RAB25: variants seen among roughly 807,000 people sequenced by gnomAD.
The protein encoded by RAB25 is ras-related protein Rab-25.
In RAB25, 23 loss-of-function variants were observed where a neutral mutation model predicts 25.2. That is an observed-to-expected ratio of 0.91 (90% confidence interval 0.66 to 1.29). RAB25 has a LOEUF of 1.29. Ranked by LOEUF, RAB25 falls within the 50% of genes most tolerant of loss-of-function variation. The pLI is 0.00. For missense variants in RAB25, 244 were observed against 277.3 expected, an observed-to-expected ratio of 0.88 and a Z score of 0.85; for synonymous variants, 102 against 111.5, an observed-to-expected ratio of 0.91 and a Z score of 0.54.
At position 156,069,741 on chromosome 1, in the gene RAB25, T is replaced by C. The variant is rs771222468; in HGVS notation, c.504T>C (p.Thr168=). 6.2e-7 allele frequency: 1 copy of C among 1,611,108 alleles called. No homozygotes were observed. Among genetic ancestry groups the C allele is most frequent in the Non-Finnish European group, 8.5e-7 (1 of 1,177,290 alleles). Residue 168 remains threonine, a synonymous_variant, in exon 4 of 5, where the codon ACT becomes ACC. Coordinates refer to ENST00000361084, the MANE Select transcript of RAB25 (RefSeq NM_020387.4). The part of the protein sequence containing the change: ...DSTNVELAFE[T]VLKEIFAKVS... ...CCAATGTTGAGCTAGCCTTTGAGAC[T>C]GTCCTGAAAGGTTAGAGCCTACCTT...
At position 156,069,575 on chromosome 1, in the gene RAB25, G is replaced by C. The variant is rs916859895; in HGVS notation, c.434-96G>C. ...TTAAATGATCTGCTACATGCCAAGAGTTTAGCACATGGCAAATGTATATAG... is the reference window on the plus strand; with the variant it reads ...TTAAATGATCTGCTACATGCCAAGACTTTAGCACATGGCAAATGTATATAG... On this transcript the variant is annotated intron_variant, in intron 3 of 4. Transcript: ENST00000361084. 2.3e-4 allele frequency: 232 copies of C among 1,006,676 alleles called. 3 individuals are homozygous for C. In the South Asian group the frequency reaches 2.7e-3, roughly 12 times the overall value. The allele number at this position is 1,006,676 out of a possible 1,614,324, so 62.4% of individuals were successfully genotyped here.
intron 3 of RAB25, 69 bp downstream of exon 3, chr1:156,068,532 C>G (rs1175100535): frequency 6.7e-7 from 1 of 1,492,402 alleles, no homozygotes; most frequent in Non-Finnish European, 9.2e-7. Context: ...AGTCTCCCAG[C>G]CCCTGCCCCC....
At chr1:156,069,899 T>C in intron 4 of RAB25, 148 bp downstream of exon 4, 2 of 863,912 alleles carry the variant, frequency 2.3e-6, no homozygotes, top group Admixed American at 2.0e-5. Context: ...CCTCAGTCCC[T>C]CCCCAGTGCC....
chr1:156,070,380 A>G lies in RAB25; in HGVS notation c.*93A>G. The G allele has an allele frequency of 1.3e-6, 2 of 1,512,654 alleles. No homozygotes were observed. Among genetic ancestry groups the G allele is most frequent in the Non-Finnish European group, 1.8e-6 (2 of 1,118,846 alleles). The allele number at this position is 1,512,654 out of a possible 1,614,324, so 93.7% of individuals were successfully genotyped here. ...CTTTCCTTGCCCTTTGGTTCCAGAT[A>G]TCAGACTGTTCCCTGTTCACAGCAC... On this transcript the variant is annotated 3_prime_UTR_variant, in exon 5 of 5. Coordinates refer to ENST00000361084, the MANE Select transcript of RAB25 (RefSeq NM_020387.4).
intron 1 of RAB25, among the ~76,000 whole-genome samples, chr1:156,064,244 T>G (rs1391410699): frequency 1.3e-5 from 2 of 152,172 alleles, no homozygotes; most frequent in Non-Finnish European, 2.9e-5. Context: ...AATATATATT[T>G]TTTATTTTTA....
chr1:156,064,999 C>T (rs1647697594), intron 1 of RAB25, among the ~76,000 whole-genome samples: 3 of 152,192 alleles, frequency 2.0e-5, no homozygotes, highest in Non-Finnish European at 2.9e-5. Context: ...AGCTCATCCA[C>T]ATGGGTAAGA....
rs1360767479 is a variant in RAB25, at chr1:156,061,455, T to A, written c.43+12T>A. On this transcript the variant is annotated intron_variant, in intron 1 of 4. Transcript: ENST00000361084. ...CTTTGTCTTCAAGGGTGAGTTGGGT[T>A]CCCTGAAGCAAGAGGAAGCCTGAGA... 5 of 1,613,466 alleles carry A rather than the reference T, an allele frequency of 3.1e-6. No homozygotes were observed. The highest frequency in any genetic ancestry group is 4.2e-6 in the Non-Finnish European group (5 of 1,179,490).
rs755788832 is a variant in RAB25, at chr1:156,068,482, C to T, written c.433+19C>T. 146 of 1,606,448 alleles carry T rather than the reference C, an allele frequency of 9.1e-5. No individual in the cohort carries two copies. The highest frequency in any genetic ancestry group is 1.2e-4 in the Non-Finnish European group (143 of 1,175,746). ...TTCGCTGGTGAGAGCCTGCCACTAC[C>T]CAGGCTGACTCCTCCAAGCTTAGCC... is the stretch of plus-strand genomic sequence containing the variant. On this transcript the variant is annotated intron_variant, in intron 3 of 4. Coordinates refer to ENST00000361084, the MANE Select transcript of RAB25 (RefSeq NM_020387.4).
At chr1:156,066,191 G>C in intron 2 of RAB25, 85 bp downstream of exon 2, 1 of 1,205,118 alleles carries the variant, frequency 8.3e-7, no homozygotes, top group African/African-American at 1.5e-5. Context: ...GGGGGAGGAG[G>C]AGGCAAGGGG....
chr1:156,061,518 C>A, intron 1 of RAB25, 75 bp downstream of exon 1: 1 of 1,499,572 alleles, frequency 6.7e-7, no homozygotes, highest in Admixed American at 1.7e-5. Context: ...GAGAGGGCCC[C>A]CTCCTGTTTT....
At chr1:156,069,067 G>C (rs1647833363) in intron 3 of RAB25, among the ~76,000 whole-genome samples, 1 of 152,196 alleles carries the variant, frequency 6.6e-6, no homozygotes, top group Admixed American at 6.5e-5. Flanking sequence ...GGAGTTTTCT[G>C]AGTTTAGAGG....
rs12021890 is a variant in RAB25, at chr1:156,063,560, G to A, written c.43+2117G>A. On this transcript the variant is annotated intron_variant, in intron 1 of 4. Transcript: ENST00000361084. ...GGCTGGACAAACCTGGGTCAAGGGC[G>A]GGGAGCTCTGTGATTGCCTCACCTT... Among the ~76,000 whole-genome samples the A allele has an allele frequency of 1.1e-3, 171 of 152,316 alleles. 2 individuals carry two copies. In the East Asian group the frequency reaches 0.025, roughly 22 times the overall value.
chr1:156,064,643 G>A (rs1647689437), intron 1 of RAB25, among the ~76,000 whole-genome samples: 1 of 152,104 alleles, frequency 6.6e-6, no homozygotes, highest in Non-Finnish European at 1.5e-5. Context: ...TCAAACTTGT[G>A]GGCTCAAGAG....
At chr1:156,065,290 A>G (rs77615539) in intron 1 of RAB25, among the ~76,000 whole-genome samples, 167 of 152,312 alleles carry the variant, frequency 1.1e-3, no homozygotes, top group Non-Finnish European at 1.9e-3. Context: ...ACCCAGGCCC[A>G]TGCTCTTAAC....
chr1:156,069,212 C>T (rs1171086139), intron 3 of RAB25, among the ~76,000 whole-genome samples: 3 of 152,108 alleles, frequency 2.0e-5, no homozygotes, highest in Non-Finnish European at 2.9e-5. Flanking sequence ...AGAGGAGTCT[C>T]GCTCCGTCAC....
intron 2 of RAB25, among the ~76,000 whole-genome samples, chr1:156,066,865 G>T (rs1476371269): frequency 1.3e-5 from 2 of 152,076 alleles, no homozygotes; most frequent in Non-Finnish European, 2.9e-5. Flanking sequence ...GCTTGAACCC[G>T]GGAGGCGGAA....
chr1:156,066,346 A>T, intron 2 of RAB25: 2 of 387,000 alleles, frequency 5.2e-6, no homozygotes, highest in Non-Finnish European at 9.2e-6. Flanking sequence ...AGCCTTTGCT[A>T]TGTGCCCAGG....
chr1:156,068,143 C>G, intron 2 of RAB25, 127 bp from the exon 3 acceptor site: 1 of 858,392 alleles, frequency 1.2e-6, no homozygotes, highest in Non-Finnish European at 1.9e-6. Context: ...GGCCCCTGGC[C>G]GCAAGTTTCT....
chr1:156,070,044 C>G, intron 4 of RAB25, 116 bp from the exon 5 acceptor site: 5 of 1,514,078 alleles, frequency 3.3e-6, no homozygotes, highest in Non-Finnish European at 4.6e-6. Context: ...AAACCTCCTG[C>G]AAGTGTGGCC....
Sources: allele counts gnomAD v4.1 joint callset (sites outside exome capture counted in the v4.1 genomes callset), GRCh38; gene constraint gnomAD v4.1.1; transcripts MANE v1.5; gene names NCBI Gene and HGNC (gene_info 2026-07-23, HGNC 2026-07-21).